Variants in IL18R1 observed in about 807,000 individuals in gnomAD.
The protein encoded by IL18R1 is interleukin 18 receptor 1.
A neutral mutation model predicts 48.5 loss-of-function variants in IL18R1; 40 were observed. The observed-to-expected ratio is 0.82, with a 90% confidence interval of 0.64 to 1.07. IL18R1 has a LOEUF of 1.07. Among genes scored for constraint, IL18R1 ranks in the 50% least tolerant of loss-of-function variants. The pLI is 0.00. For synonymous variants in IL18R1, 232 were observed against 225.9 expected (o/e 1.03, Z -0.24); for missense variants, 596 against 633.7 (o/e 0.94, Z 0.64).
chr2:102,361,648 A>C (rs1269754684), intron 1 of IL18R1, among the ~76,000 whole-genome samples: 1 of 152,186 alleles, frequency 6.6e-6, no homozygotes, highest in Admixed American at 6.5e-5. Context: ...CAAGTTTTGC[A>C]CAGCTTGTCA....
intron 3 of IL18R1, 67 bp downstream of exon 3, chr2:102,368,135 A>G: frequency 6.4e-7 from 1 of 1,561,936 alleles, no homozygotes; most frequent in Non-Finnish European, 8.8e-7. Flanking sequence ...CAACTCAAAT[A>G]TGCAGTAATC....
At chr2:102,362,252 T>C (rs1559616675) in intron 1 of IL18R1, among the ~76,000 whole-genome samples, 1 of 152,246 alleles carries the variant, frequency 6.6e-6, no homozygotes, top group Non-Finnish European at 1.5e-5. Context: ...CTCTGTTACA[T>C]GGGCAGAACT....
At chr2:102,367,722 T>C in intron 2 of IL18R1, 103 bp from the exon 3 acceptor site, 1 of 966,396 alleles carries the variant, frequency 1.0e-6, no homozygotes, top group South Asian at 1.8e-5. Context: ...AGGACTTTCT[T>C]GCTAACCTTG....
intron 4 of IL18R1, among the ~76,000 whole-genome samples, chr2:102,375,214 G>A (rs1679505123): frequency 2.0e-5 from 3 of 152,164 alleles, no homozygotes; most frequent in African/African-American, 7.2e-5. Context: ...CATCCCATGT[G>A]GTCCCTGCAT....
In IL18R1 at chr2:102,397,996, T is replaced by G. The variant is rs1680909589; in HGVS notation, c.*1110T>G. 1 of 152,200 alleles carries G rather than the reference T, an allele frequency of 6.6e-6. No homozygotes were observed. Among genetic ancestry groups the G allele is most frequent in the Admixed American group, 6.5e-5 (1 of 15,284 alleles). The allele number at this position is 152,200 out of a possible 1,614,324, so 9.4% of individuals were successfully genotyped here. On this transcript the variant is annotated 3_prime_UTR_variant, in exon 11 of 11. Coordinates refer to ENST00000233957, the MANE Select transcript of IL18R1 (RefSeq NM_003855.5). ...TTCCTGACACAGACTCAGCACTCCG[T>G]CAGTGTTGCCATGACTATTTTTATT... is the stretch of plus-strand genomic sequence containing the variant.
chr2:102,380,923 G>A (rs1157452969), intron 5 of IL18R1, among the ~76,000 whole-genome samples: 8 of 152,316 alleles, frequency 5.3e-5, no homozygotes, highest in African/African-American at 1.9e-4. Context: ...TCAAATCTAT[G>A]ACCGCAGCTG....
rs796484603 is a variant in IL18R1, at chr2:102,398,215, G to A, written c.*1329G>A. 22 of 152,412 alleles carry A rather than the reference G, an allele frequency of 1.4e-4. No homozygotes were observed. The highest frequency in any genetic ancestry group is 4.8e-4 in the African/African-American group (20 of 41,540). 9.4% of individuals were successfully genotyped at this position (152,412 alleles called of 1,614,324 possible). A position where few individuals can be genotyped will look rare whatever the true frequency, so the allele number is the denominator to read the frequency against. ...CCATTGTGCATCTGCCTCTTTTGAC[G>A]TTGGAAGACACATGTCTTACCCCCC... is the stretch of plus-strand genomic sequence containing the variant. On this transcript the variant is annotated 3_prime_UTR_variant, in exon 11 of 11. Coordinates refer to ENST00000233957, the MANE Select transcript of IL18R1 (RefSeq NM_003855.5).
intron 4 of IL18R1, among the ~76,000 whole-genome samples, chr2:102,375,070 A>G (rs923682379): frequency 1.4e-4 from 22 of 152,214 alleles, no homozygotes; most frequent in African/African-American, 5.3e-4. Context: ...CTTCACGGGC[A>G]CATTCTATGC....
At chr2:102,387,580 A>G (rs1680313340) in intron 8 of IL18R1, among the ~76,000 whole-genome samples, 1 of 152,232 alleles carries the variant, frequency 6.6e-6, no homozygotes, top group African/African-American at 2.4e-5. Flanking sequence ...AGCACAGCCC[A>G]GGGCCTTCAG....
intron 8 of IL18R1, among the ~76,000 whole-genome samples, chr2:102,389,317 A>G (rs1170450056): frequency 1.3e-5 from 2 of 152,236 alleles, no homozygotes; most frequent in East Asian, 3.8e-4. Context: ...ATGTTAACAC[A>G]GCCTTCACCA....
In IL18R1 at chr2:102,372,029, A is replaced by G; in HGVS notation, c.379A>G (p.Ser127Gly). 1 of 1,596,906 alleles carries G rather than the reference A, an allele frequency of 6.3e-7. No homozygotes were observed. Among genetic ancestry groups the G allele is most frequent in the Non-Finnish European group, 8.6e-7 (1 of 1,167,992 alleles). ...CTGTTTCACTGAAAGACAAGTAACT[A>G]GTAAAATTGTGGAAGTTAAAAAATT... ...HSCFTERQVT[S>G]KIVEVKKFFQ... The change falls in exon 4 of 11, where the codon AGT (serine) becomes GGT (glycine). Residue 127 changes from serine to glycine, a missense_variant. Ser to Gly is a moderately conservative substitution (Grantham distance 56). This residue lies in a region of IL18R1 where 360 missense variants were observed against 339.4 expected (regional missense o/e 1.06). Transcript: ENST00000233957.
In IL18R1 at chr2:102,396,559, A is replaced by G; in HGVS notation, c.1299A>G (p.Ile433Met). 6.2e-7 allele frequency: 1 copy of G among 1,604,662 alleles called. No homozygotes were observed. The highest frequency in any genetic ancestry group is 1.7e-5 in the Admixed American group (1 of 58,330). The change falls in exon 11 of 11, where the codon ATA (isoleucine) becomes ATG (methionine). Residue 433 changes from isoleucine to methionine, a missense_variant. By Grantham distance (10) the Ile-to-Met change is conservative. Around this residue, in one of 3 missense-constraint regions of IL18R1, gnomAD observed 179 missense variants for 206.1 expected, o/e 0.87. Coordinates refer to ENST00000233957, the MANE Select transcript of IL18R1 (RefSeq NM_003855.5). ...TTGTTGATGAAATCCACTCACTGAT[A>G]GAGAAAAGCCGAAGACTAATCATTG... is the stretch of plus-strand genomic sequence containing the variant. Reference protein sequence around the residue: ...GAVVDEIHSLIEKSRRLIIVL... With the variant: ...GAVVDEIHSLMEKSRRLIIVL...
At position 102,398,513 on chromosome 2, in the gene IL18R1, A is replaced by G. The variant is rs945469722; in HGVS notation, c.*1627A>G. 5 of 152,310 alleles carry G rather than the reference A, an allele frequency of 3.3e-5. No homozygotes were observed. The highest frequency in any genetic ancestry group is 9.6e-5 in the African/African-American group (4 of 41,476). The allele number at this position is 152,310 out of a possible 1,614,324, so 9.4% of individuals were successfully genotyped here. ...TTTGTGTACCAACTGGATGACTAAAAAGAGTAAAATAATTTAATTAATAGC... is the reference window on the plus strand; with the variant it reads ...TTTGTGTACCAACTGGATGACTAAAGAGAGTAAAATAATTTAATTAATAGC... On this transcript the variant is annotated 3_prime_UTR_variant, in exon 11 of 11. Coordinates refer to ENST00000233957, the MANE Select transcript of IL18R1 (RefSeq NM_003855.5).
At position 102,398,302 on chromosome 2, in the gene IL18R1, A is replaced by G. The variant is rs1573240164; in HGVS notation, c.*1416A>G. ...TCAAAAATAATAGCTATTCAAGAAA[A>G]TCACCAAGTGACTGTGAAACCGTCA... is the stretch of plus-strand genomic sequence containing the variant. On this transcript the variant is annotated 3_prime_UTR_variant, in exon 11 of 11. Transcript: ENST00000233957. The G allele has an allele frequency of 6.6e-6, 1 of 152,358 alleles. No individual in the cohort carries two copies. Among genetic ancestry groups the G allele is most frequent in the African/African-American group, 2.4e-5 (1 of 41,448 alleles). The allele number at this position is 152,358 out of a possible 1,614,324, so 9.4% of individuals were successfully genotyped here. A position where few individuals can be genotyped will look rare whatever the true frequency, so the allele number is the denominator to read the frequency against.
rs1216234990 is a variant in IL18R1, at chr2:102,376,430, A to AG, written c.625+369dup. 5.3e-5 allele frequency among the ~76,000 whole-genome samples: 8 copies of AG among 152,376 alleles called. No individual in the cohort carries two copies. The East Asian group carries it at 1.3e-3, about 26-fold the overall frequency. On this transcript the variant is annotated intron_variant, in intron 5 of 10. Coordinates refer to ENST00000233957, the MANE Select transcript of IL18R1 (RefSeq NM_003855.5). ...CTTAGCACAAGGAGGCAGGGAAGCA[A>AG]GGAAGTATGAGATGAAGTGAGCACT...
intron 4 of IL18R1, among the ~76,000 whole-genome samples, chr2:102,372,838 A>G (rs147671547): frequency 6.6e-6 from 1 of 152,200 alleles, no homozygotes; most frequent in African/African-American, 2.4e-5. Flanking sequence ...TTAAAGGCTA[A>G]AATGAATACC....
intron 7 of IL18R1, among the ~76,000 whole-genome samples, chr2:102,386,458 G>A (rs552380921): frequency 2.0e-5 from 3 of 152,266 alleles, no homozygotes; most frequent in East Asian, 1.9e-4. Context: ...AATGTAATAC[G>A]AATCTGCATC....
intron 2 of IL18R1, among the ~76,000 whole-genome samples, chr2:102,365,554 A>G (rs866540524): frequency 6.6e-6 from 1 of 152,070 alleles, no homozygotes; most frequent in African/African-American, 2.4e-5. Context: ...CAGTGAATCT[A>G]TCATCCTGGG....
At chr2:102,390,897 T>C (rs926844797) in intron 9 of IL18R1, among the ~76,000 whole-genome samples, 2 of 130,424 alleles carry the variant, frequency 1.5e-5, no homozygotes, top group Non-Finnish European at 1.5e-5. Context: ...ATCGCGCCGC[T>C]GCGCTCCAGC....
Sources: allele counts gnomAD v4.1 joint callset (sites outside exome capture counted in the v4.1 genomes callset), GRCh38; gene constraint gnomAD v4.1.1; regional missense constraint gnomAD v4.1.1; transcripts MANE v1.5; gene names NCBI Gene and HGNC (gene_info 2026-07-23, HGNC 2026-07-21).